Variants in CFAP69 observed in about 807,000 individuals in gnomAD.
CFAP69 encodes cilia- and flagella-associated protein 69.
A neutral mutation model predicts 123.0 loss-of-function variants in CFAP69; 92 were observed. The ratio of observed to expected loss-of-function variants is 0.75; its 90% confidence interval spans 0.63 to 0.89. CFAP69 has a LOEUF of 0.89. Among genes scored for constraint, CFAP69 ranks in the 40% least tolerant of loss-of-function variants. CFAP69 has a pLI of 0.00. For synonymous variants in CFAP69, 380 were observed against 364.3 expected (o/e 1.04, Z -0.49); for missense variants, 1,067 against 1,096.9 (o/e 0.97, Z 0.39).
At chr7:90,264,854 C>T (rs1473727129) in intron 4 of CFAP69, among the ~76,000 whole-genome samples, 11 of 151,900 alleles carry the variant, frequency 7.2e-5, no homozygotes, top group African/African-American at 1.5e-4. Flanking sequence ...AGTGCAGTGG[C>T]GCAATCTCAG....
intron 2 of CFAP69, 37 bp downstream of exon 2, chr7:90,255,519 T>C: frequency 6.8e-7 from 1 of 1,462,678 alleles, no homozygotes; most frequent in East Asian, 2.3e-5. Flanking sequence ...TCCGCTGCAT[T>C]ACTTACAAAC....
chr7:90,302,223 C>T (rs534736808), intron 17 of CFAP69: 2 of 152,206 alleles, frequency 1.3e-5, no homozygotes, highest in African/African-American at 2.4e-5. Flanking sequence ...GGATATTAGA[C>T]CTCTGTCAGA....
At chr7:90,255,765 C>G (rs1177677260) in intron 2 of CFAP69, among the ~76,000 whole-genome samples, 1 of 152,046 alleles carries the variant, frequency 6.6e-6, no homozygotes, top group Admixed American at 6.6e-5. Context: ...GATCATCTAG[C>G]CTCTGTTAAG....
intron 15 of CFAP69, among the ~76,000 whole-genome samples, chr7:90,291,738 G>C (rs1490491245): frequency 6.6e-6 from 1 of 152,086 alleles, no homozygotes; most frequent in Non-Finnish European, 1.5e-5. Context: ...CAGGGTACAG[G>C]GGAGCTCAGT....
Position 90,265,351 on chromosome 7 carries a change from A to G in CFAP69, c.407A>G (p.Asp136Gly). ...TCGGATGAAATAACTTATGCTGAAG[A>G]TACTGCTAATTCAATTGCACTTCTG... Reference protein sequence around the residue: ...KVSDEITYAEDTANSIALLGD... With the variant: ...KVSDEITYAEGTANSIALLGD... Residue 136 changes from aspartate to glycine, a missense_variant, in exon 5 of 23, where the codon GAT (aspartate) becomes GGT (glycine). Asp to Gly is a moderately conservative substitution (Grantham distance 94). Transcript: ENST00000389297. The G allele has an allele frequency of 6.2e-7, 1 of 1,611,638 alleles. No individual in the cohort carries two copies. Among genetic ancestry groups the G allele is most frequent in the Non-Finnish European group, 8.5e-7 (1 of 1,178,354 alleles).
chr7:90,255,219 T>G (rs1378547504), intron 1 of CFAP69, among the ~76,000 whole-genome samples: 1 of 152,234 alleles, frequency 6.6e-6, no homozygotes, highest in Non-Finnish European at 1.5e-5. Flanking sequence ...TTATACAAAA[T>G]ACTAGAATTC....
the CFAP69 span, chr7:90,317,738 A>C: frequency 1.3e-5 from 2 of 152,132 alleles, no homozygotes; most frequent in Admixed American, 1.3e-4. Context: ...TCCCTCCTTT[A>C]ATTCAGCTTA....
chr7:90,270,346 G>A (rs963067441), intron 6 of CFAP69: 2 of 152,100 alleles, frequency 1.3e-5, no homozygotes, highest in Admixed American at 6.5e-5. Context: ...ACACTTTATA[G>A]GATGGGGAAA....
chr7:90,284,883 G>A (rs1171997110), intron 13 of CFAP69, among the ~76,000 whole-genome samples: 1 of 152,128 alleles, frequency 6.6e-6, no homozygotes, highest in East Asian at 1.9e-4. Context: ...ACAGTAGTTC[G>A]AACTTCATCC....
At chr7:90,272,457 G>A (rs1800094214) in intron 8 of CFAP69, among the ~76,000 whole-genome samples, 1 of 151,968 alleles carries the variant, frequency 6.6e-6, no homozygotes, top group Non-Finnish European at 1.5e-5. Flanking sequence ...TAGGAGGGAT[G>A]GACAAGTAAA....
At chr7:90,264,306 A>G (rs1264421322) in intron 4 of CFAP69, among the ~76,000 whole-genome samples, 1 of 151,556 alleles carries the variant, frequency 6.6e-6, no homozygotes, top group Admixed American at 6.6e-5. Flanking sequence ...TATGTGCTGG[A>G]TCTTTTATGA....
intron 11 of CFAP69, 49 bp from the exon 12 acceptor site, chr7:90,279,628 G>A (rs1789151879): frequency 1.7e-6 from 2 of 1,153,856 alleles, no homozygotes; most frequent in East Asian, 2.5e-5. Flanking sequence ...TTGCCTTAAA[G>A]TATTTTTGGC....
chr7:90,304,919 T>C (rs1793345118), intron 19 of CFAP69, 99 bp downstream of exon 19: 1 of 865,386 alleles, frequency 1.2e-6, no homozygotes, highest in African/African-American at 1.7e-5. Context: ...ATCATCTACA[T>C]ACTGTATAGT....
At chr7:90,274,493 A>G (rs1370138235) in intron 9 of CFAP69, among the ~76,000 whole-genome samples, 1 of 152,166 alleles carries the variant, frequency 6.6e-6, no homozygotes, top group Non-Finnish European at 1.5e-5. Flanking sequence ...AAATATATTT[A>G]ATTCATCTTA....
At chr7:90,251,517 C>T (rs1796999823) in intron 1 of CFAP69, among the ~76,000 whole-genome samples, 1 of 152,140 alleles carries the variant, frequency 6.6e-6, no homozygotes, top group Admixed American at 6.6e-5. Context: ...TATAGTCTGA[C>T]CAGTTTTGTT....
At chr7:90,275,622 G>A (rs1320229890) in intron 9 of CFAP69, among the ~76,000 whole-genome samples, 1 of 35,964 alleles carries the variant, frequency 2.8e-5, no homozygotes, top group Non-Finnish European at 5.4e-5. Context: ...TTTTTTTTGA[G>A]ACGGAATCTT....
chr7:90,267,895 T>C (rs1412288783), intron 5 of CFAP69, among the ~76,000 whole-genome samples: 1 of 152,218 alleles, frequency 6.6e-6, no homozygotes, highest in Non-Finnish European at 1.5e-5. Context: ...CTCACAACAA[T>C]CTTAAATGTG....
intron 6 of CFAP69, among the ~76,000 whole-genome samples, chr7:90,270,444 AT>A (rs1163354625): frequency 2.6e-5 from 4 of 152,176 alleles, no homozygotes; most frequent in African/African-American, 7.2e-5. Flanking sequence ...TACATTAAAA[AT>A]ATCACAAGAA....
intron 16 of CFAP69, among the ~76,000 whole-genome samples, chr7:90,299,489 A>G (rs920630275): frequency 6.6e-6 from 1 of 152,124 alleles, no homozygotes; most frequent in Admixed American, 6.5e-5. Flanking sequence ...AAGCCTTAAT[A>G]AAGCATATAA....
Sources: allele counts gnomAD v4.1 joint callset (sites outside exome capture counted in the v4.1 genomes callset), GRCh38; gene constraint gnomAD v4.1.1; transcripts MANE v1.5; gene names NCBI Gene and HGNC (gene_info 2026-07-23, HGNC 2026-07-21).